ABCC11: variants seen among roughly 807,000 people sequenced by gnomAD.
The protein encoded by ABCC11 is ATP binding cassette subfamily C member 11.
A neutral mutation model predicts 149.3 loss-of-function variants in ABCC11; 135 were observed. That is an observed-to-expected ratio of 0.90 (90% CI 0.79 to 1.04). The LOEUF (loss-of-function observed/expected upper bound fraction) is 1.04, where lower values mean the gene tolerates loss of function less well. Ranked by LOEUF, ABCC11 falls within the 50% of genes least tolerant of loss-of-function variation. The pLI, the probability that ABCC11 is intolerant of heterozygous loss-of-function variation, is 0.00. For synonymous variants in ABCC11, 665 were observed against 671.4 expected, an observed-to-expected ratio of 0.99 and a Z score of 0.15; for missense variants, 1,680 against 1,722.1, an observed-to-expected ratio of 0.98 and a Z score of 0.43.
Position 48,200,474 on chromosome 16 carries a change from T to C in ABCC11, c.1884A>G (p.Gly628=), listed in dbSNP as rs748119281. The C allele has an allele frequency of 3.7e-6, 6 of 1,613,764 alleles. No homozygotes were observed. The highest frequency in any genetic ancestry group is 1.3e-5 in the African/African-American group (1 of 74,912). The change falls in exon 15 of 30, where the codon GGA becomes GGG. Residue 628 remains glycine, a synonymous_variant. Transcript: ENST00000356608. ...LLPFGDMTEI[G]ERGLNLSGGQ... ...CCCCAGAGAGGTTGAGGCCCCGCTC[T>C]CCAATCTGCAGACAGGCAGTAAAAG...
intron 20 of ABCC11, among the ~76,000 whole-genome samples, chr16:48,190,395 C>T (rs1382574245): frequency 4.0e-5 from 6 of 151,834 alleles, no homozygotes; most frequent in Non-Finnish European, 8.8e-5. Flanking sequence ...TAGGGTCTCA[C>T]TGTCTCCCAG....
chr16:48,196,341 G>T lies in ABCC11; in HGVS notation c.2315-20C>A. 1 of 1,610,178 alleles carries T rather than the reference G, an allele frequency of 6.2e-7. No homozygotes were observed. Among genetic ancestry groups the T allele is most frequent in the South Asian group, 1.1e-5 (1 of 90,580 alleles). On this transcript the variant is annotated intron_variant, in intron 17 of 29. Transcript: ENST00000356608. ...CCGGCACTGGGTCAGGGTAGAAGAA[G>T]AGAAAAGTGGTATGCCTGCCAATCA...
In ABCC11 at chr16:48,189,642, G is replaced by C. The variant is rs536370232; in HGVS notation, c.2707-2215C>G. Among the ~76,000 whole-genome samples the C allele has an allele frequency of 2.2e-4, 33 of 152,222 alleles. 1 individual carries two copies. The South Asian group carries it at 6.8e-3, about 32-fold the overall frequency. ...ATACGAAATGTCATTTAGAGGCATG[G>C]GCACTGGATATTTCTAGAATCTTGG... On this transcript the variant is annotated intron_variant, in intron 20 of 29. Transcript: ENST00000356608.
intron 4 of ABCC11, among the ~76,000 whole-genome samples, chr16:48,225,982 G>T (rs1359943519): frequency 6.6e-6 from 1 of 152,176 alleles, no homozygotes; most frequent in Non-Finnish European, 1.5e-5. Flanking sequence ...GAAATCAGGA[G>T]ATCTTGTACT....
intron 12 of ABCC11, among the ~76,000 whole-genome samples, chr16:48,207,557 C>T (rs183478045): frequency 9.2e-5 from 14 of 152,114 alleles, no homozygotes; most frequent in Admixed American, 8.5e-4. Context: ...GTCCCAGCTA[C>T]TCAGGAGGTT....
rs1967840174 is a variant in ABCC11, at chr16:48,200,308, T to TC, written c.2049dup (p.Lys684GlufsTer29). ...TGGTGGGTCACCAGGACGACCGTCT[T>TC]CCCCCTGAGTGTCTTCTTAATGCAC... On this transcript the variant is annotated frameshift_variant, in exon 15 of 30. Transcript: ENST00000356608. LOFTEE classifies it high-confidence loss of function. 6.2e-7 allele frequency: 1 copy of TC among 1,614,112 alleles called. No homozygotes were observed. Among genetic ancestry groups the TC allele is most frequent in the Non-Finnish European group, 8.5e-7 (1 of 1,179,958 alleles).
rs756730196 is a variant in ABCC11 at position 48,244,514 on chromosome 16, G to T, written c.-19+2800C>A. The T allele has an allele frequency of 6.9e-5, 110 of 1,589,838 alleles. 2 individuals are homozygous for T. In the South Asian group the frequency reaches 1.2e-3, roughly 18 times the overall value. On this transcript the variant is annotated intron_variant, in intron 1 of 29. Coordinates refer to ENST00000356608, the MANE Select transcript of ABCC11 (RefSeq NM_001370497.1). The stretch of plus-strand genomic sequence containing the variant: ...ACTCGGCCCGCAACCTGCAGCTGGT[G>T]CGGAGCCGCCTTCTGAAGGGCACGT...
chr16:48,203,197 C>T (rs1358315131), intron 14 of ABCC11, 31 bp downstream of exon 14: 3 of 1,540,084 alleles, frequency 1.9e-6, no homozygotes, highest in Non-Finnish European at 2.6e-6. Flanking sequence ...ACCAACATTA[C>T]ACAGAGAAGG....
Position 48,176,993 on chromosome 16 carries a change from C to A in ABCC11, c.3469G>T (p.Val1157Leu), listed in dbSNP as rs141607865. ...HMKYRDNTPT[V>L]LHGINLTIRG... ...ATGGTCAGGTTGATGCCGTGAAGCA[C>A]GGTGGGTGTGTTGTCTCTGTATTTC... is the stretch of plus-strand genomic sequence containing the variant. The change falls in exon 25 of 30, where the codon GTG (valine) becomes TTG (leucine). Residue 1157 changes from valine to leucine, a missense_variant. Coordinates refer to ENST00000356608, the MANE Select transcript of ABCC11 (RefSeq NM_001370497.1). 6.2e-7 allele frequency: 1 copy of A among 1,614,184 alleles called. No homozygotes were observed. Among genetic ancestry groups the A allele is most frequent in the South Asian group, 1.1e-5 (1 of 91,074 alleles).
At chr16:48,183,490 C>T (rs771327684) in intron 23 of ABCC11, among the ~76,000 whole-genome samples, 15 of 152,318 alleles carry the variant, frequency 9.8e-5, no homozygotes, top group South Asian at 6.2e-4. Context: ...AGGCTGGACA[C>T]GGTGGTTAAC....
rs755522703 is a variant in ABCC11, at chr16:48,200,404, G to A, written c.1954C>T (p.Arg652Cys). The change falls in exon 15 of 30, where the codon CGT (arginine) becomes TGT (cysteine). Residue 652 changes from arginine (R) to cysteine (C), a missense_variant. Transcript: ENST00000356608. ...GGGTCGTCCAGCAGGTAGATCTGAC[G>A]GTCGGAATAGACGGCGCGGGCCAGG... The part of the protein sequence containing the change: ...ISLARAVYSD[R>C]QIYLLDDPLS... The A allele has an allele frequency of 1.2e-5, 19 of 1,614,114 alleles. No homozygotes were observed. Among genetic ancestry groups the A allele is most frequent in the South Asian group, 9.9e-5 (9 of 91,088 alleles).
intron 1 of ABCC11, among the ~76,000 whole-genome samples, chr16:48,240,693 T>G (rs1270506248): frequency 6.6e-6 from 1 of 151,870 alleles, no homozygotes; most frequent in Non-Finnish European, 1.5e-5. Context: ...ATTAGGTTGG[T>G]GCAAAAGTAA....
At chr16:48,192,327 C>T (rs1171506091) in intron 20 of ABCC11, among the ~76,000 whole-genome samples, 193 bp downstream of exon 20, 1 of 152,082 alleles carries the variant, frequency 6.6e-6, no homozygotes, top group Non-Finnish European at 1.5e-5. Flanking sequence ...GCCTGTACTC[C>T]CAGCTACTTG....
chr16:48,165,478 G>A (rs1031260237), downstream of ABCC11, among the ~76,000 whole-genome samples: 1 of 152,198 alleles, frequency 6.6e-6, no homozygotes, highest in African/African-American at 2.4e-5. Context: ...TTTGTTTGCT[G>A]TTCTCTCTGC....
At chr16:48,211,241 C>A in intron 10 of ABCC11, 42 bp from the exon 11 acceptor site, 1 of 1,596,640 alleles carries the variant, frequency 6.3e-7, no homozygotes, top group South Asian at 1.1e-5. Context: ...GAATACAGTT[C>A]TTTAGTTCAG....
chr16:48,176,083 GC>G (rs1291163990), intron 25 of ABCC11: 1 of 152,258 alleles, frequency 6.6e-6, no homozygotes, highest in Non-Finnish European at 1.5e-5. Context: ...TCTACTGAGA[GC>G]TTTTCTCTGC....
chr16:48,246,303 A>AAT, intron 1 of ABCC11, among the ~76,000 whole-genome samples: 1 of 152,182 alleles, frequency 6.6e-6, no homozygotes, highest in South Asian at 2.1e-4. Context: ...ACTCTTTGAT[A>AAT]AATTGTATTG....
intron 5 of ABCC11, 112 bp from the exon 6 acceptor site, chr16:48,222,943 G>A: frequency 1.1e-6 from 1 of 913,408 alleles, no homozygotes; most frequent in Non-Finnish European, 1.7e-6. Context: ...GTTTGTTGAA[G>A]GATCAAAACT....
At chr16:48,236,048 G>C (rs555665709) in intron 1 of ABCC11, among the ~76,000 whole-genome samples, 2 of 152,210 alleles carry the variant, frequency 1.3e-5, no homozygotes, top group Non-Finnish European at 2.9e-5. Context: ...GCACCTGCCA[G>C]CTGGGCCCTA....
Sources: gnomAD v4.1 joint callset for allele counts (sites outside exome capture counted in the v4.1 genomes callset) on GRCh38, gnomAD v4.1.1 for gene constraint, MANE v1.5 for transcripts, NCBI Gene and HGNC (gene_info 2026-07-23, HGNC 2026-07-21) for gene names.